RPTOR: variants seen among roughly 807,000 people sequenced by gnomAD.
RPTOR encodes the protein regulatory-associated protein of mTOR.
Under a neutral mutation model 169.9 loss-of-function variants are expected in RPTOR, and 21 were observed. The ratio of observed to expected loss-of-function variants is 0.12; its 90% CI spans 0.09 to 0.18. The LOEUF (loss-of-function observed/expected upper bound fraction) is 0.18. Ranked by LOEUF, RPTOR falls within the 10% of genes least tolerant of loss-of-function variation. The probability of loss-of-function intolerance (pLI) is 1.00; values close to 1 mark genes in which losing one functional copy is unlikely to be tolerated. For missense variants in RPTOR, 1,133 were observed against 1,855.9 expected, an observed-to-expected ratio of 0.61 and a Z score of 7.16; for synonymous variants, 732 against 753.2, an observed-to-expected ratio of 0.97 and a Z score of 0.46.
At position 80,621,928 on chromosome 17, in the gene RPTOR, G is replaced by A. The variant is rs546620301; in HGVS notation, c.163-3763G>A. Among the ~76,000 whole-genome samples, 21 of 152,350 alleles carry A rather than the reference G, an allele frequency of 1.4e-4. No individual in the cohort carries two copies. The South Asian group carries it at 4.1e-3, about 30-fold the overall frequency. On this transcript the variant is annotated intron_variant, in intron 1 of 33. Transcript: ENST00000306801. ...ACTGCCAGACAAGCCCCAGGGCAGCGGCGGTGGCACTTGGCCACGGGAGCA... is the reference window on the plus strand; with the variant it reads ...ACTGCCAGACAAGCCCCAGGGCAGCAGCGGTGGCACTTGGCCACGGGAGCA...
chr17:80,925,970 G>A (rs771128961), intron 24 of RPTOR, among the ~76,000 whole-genome samples: 4 of 152,238 alleles, frequency 2.6e-5, no homozygotes, highest in East Asian at 1.9e-4. Context: ...GCAGGGCGGC[G>A]GCTCTCGGCC....
chr17:80,595,816 G>C (rs1599586652), intron 1 of RPTOR, among the ~76,000 whole-genome samples: 2 of 152,068 alleles, frequency 1.3e-5, no homozygotes, highest in Admixed American at 6.6e-5. Context: ...GTGTGGCTTT[G>C]GTTTTGATAT....
At chr17:80,908,552 A>G (rs565951782) in intron 20 of RPTOR, among the ~76,000 whole-genome samples, 51 of 152,322 alleles carry the variant, frequency 3.3e-4, no homozygotes, top group African/African-American at 1.2e-3. Context: ...AAGGAAAGTT[A>G]CACCCTTTCC....
At chr17:80,572,351 T>C (rs1332876802) in intron 1 of RPTOR, among the ~76,000 whole-genome samples, 1 of 152,138 alleles carries the variant, frequency 6.6e-6, no homozygotes, top group Non-Finnish European at 1.5e-5. Flanking sequence ...AGCATTCTTA[T>C]ATATTCTGGT....
chr17:80,732,220 C>T (rs1302651946), intron 5 of RPTOR, among the ~76,000 whole-genome samples: 1 of 151,050 alleles, frequency 6.6e-6, no homozygotes, highest in Non-Finnish European at 1.5e-5. Context: ...CCAAAGAATC[C>T]TGCCTGAGTT....
At chr17:80,785,310 C>G (rs1449990742) in intron 6 of RPTOR, among the ~76,000 whole-genome samples, 1 of 152,102 alleles carries the variant, frequency 6.6e-6, no homozygotes, top group Non-Finnish European at 1.5e-5. Flanking sequence ...GAGTCAAAGT[C>G]AGATAAAATA....
intron 11 of RPTOR, among the ~76,000 whole-genome samples, chr17:80,847,381 C>T (rs1392560199): frequency 6.6e-6 from 1 of 152,234 alleles, no homozygotes; most frequent in Admixed American, 6.5e-5. Flanking sequence ...TAGAAAGATT[C>T]CACAGAACTT....
chr17:80,556,381 C>CCA, intron 1 of RPTOR, among the ~76,000 whole-genome samples: 1 of 152,050 alleles, frequency 6.6e-6, no homozygotes, highest in East Asian at 1.9e-4. Flanking sequence ...CATGGTGGTG[C>CCA]GCACCTGTGG....
chr17:80,612,822 C>T (rs576672830), intron 1 of RPTOR, among the ~76,000 whole-genome samples: 1 of 152,264 alleles, frequency 6.6e-6, no homozygotes, highest in Non-Finnish European at 1.5e-5. Flanking sequence ...GAACCGTGAT[C>T]ACGCCACTGC....
chr17:80,567,041 G>T (rs1344486366), intron 1 of RPTOR, among the ~76,000 whole-genome samples: 5 of 151,600 alleles, frequency 3.3e-5, no homozygotes, highest in Non-Finnish European at 7.4e-5. Flanking sequence ...CATGATCTCG[G>T]CTCACTGCAA....
At chr17:80,876,776 G>A (rs1451666702) in intron 13 of RPTOR, among the ~76,000 whole-genome samples, 4 of 124,652 alleles carry the variant, frequency 3.2e-5, no homozygotes, top group Admixed American at 3.1e-4. Context: ...GTCGCCTGCC[G>A]GGTCTTCCAC....
chr17:80,837,719 C>G lies in RPTOR; in HGVS notation c.1137-203C>G, dbSNP rs139786788. Among the ~76,000 whole-genome samples the G allele has an allele frequency of 4.0e-3, 614 of 152,334 alleles. 9 individuals are homozygous for G. Among genetic ancestry groups the G allele is most frequent in the East Asian group, 0.01 (53 of 5,178 alleles). ...AGCGCCAGCGTTCCCGGCCTGCACTCTCTCCTGGCCTCCCCTCGGACGTCT... is the reference window on the plus strand; with the variant it reads ...AGCGCCAGCGTTCCCGGCCTGCACTGTCTCCTGGCCTCCCCTCGGACGTCT... On this transcript the variant is annotated intron_variant, in intron 9 of 33. Coordinates refer to ENST00000306801, the MANE Select transcript of RPTOR (RefSeq NM_020761.3).
Position 80,965,490 on chromosome 17 carries a change from T to C in RPTOR, c.*1160T>C, listed in dbSNP as rs539848531. On this transcript the variant is annotated 3_prime_UTR_variant, in exon 34 of 34. Coordinates refer to ENST00000306801, the MANE Select transcript of RPTOR (RefSeq NM_020761.3). ...GGGCCGCAGGGCGTGTATGAGCAGT[T>C]TTGCAAACAGAACACAACCACAATG... is the stretch of plus-strand genomic sequence containing the variant. 8.6e-6 allele frequency: 2 copies of C among 233,352 alleles called. No individual in the cohort carries two copies. Among genetic ancestry groups the C allele is most frequent in the South Asian group, 3.6e-4 (2 of 5,530 alleles). The allele number at this position is 233,352 out of a possible 1,614,324, so 14.5% of individuals were successfully genotyped here.
intron 4 of RPTOR, among the ~76,000 whole-genome samples, chr17:80,712,274 G>T (rs2066201022): frequency 6.6e-6 from 1 of 152,158 alleles, no homozygotes; most frequent in South Asian, 2.1e-4. Context: ...ACATGCTGCA[G>T]ATTTTGCTGA....
rs938532716 is a variant in RPTOR at position 80,545,340 on chromosome 17, G to A, written c.-290G>A. On this transcript the variant is annotated 5_prime_UTR_variant, in exon 1 of 34. Transcript: ENST00000306801. Reference sequence around the variant, plus strand: ...CTCCCCTCGCAGCCCCTCTGGAAACGTACAGCCTCAGGAGCAGCCAGTGGC... The same window carrying A: ...CTCCCCTCGCAGCCCCTCTGGAAACATACAGCCTCAGGAGCAGCCAGTGGC... 6.7e-6 allele frequency: 2 copies of A among 300,734 alleles called. No homozygotes were observed. The highest frequency in any genetic ancestry group is 2.1e-5 in the African/African-American group (1 of 47,010). The allele number at this position is 300,734 out of a possible 1,614,324, so 18.6% of individuals were successfully genotyped here. A position where few individuals can be genotyped will look rare whatever the true frequency, so the allele number is the denominator to read the frequency against.
intron 12 of RPTOR, among the ~76,000 whole-genome samples, chr17:80,857,259 C>G (rs975147442): frequency 1.1e-4 from 17 of 152,386 alleles, no homozygotes; most frequent in Admixed American, 7.2e-4. Flanking sequence ...CCCCGCTCCT[C>G]CCTGCCTTTC....
chr17:80,701,364 T>A, intron 3 of RPTOR, among the ~76,000 whole-genome samples: 1 of 152,192 alleles, frequency 6.6e-6, no homozygotes, highest in East Asian at 1.9e-4. Flanking sequence ...TTGCCATCAC[T>A]CTTTTTGGCT....
intron 33 of RPTOR, 59 bp from the exon 34 acceptor site, chr17:80,964,199 CCCCG>C: frequency 8.5e-7 from 1 of 1,182,182 alleles, no homozygotes; most frequent in Non-Finnish European, 1.2e-6. Context: ...GCCTGCGCCC[CCCCG>C]CCCCCCGCAG....
intron 1 of RPTOR, among the ~76,000 whole-genome samples, chr17:80,557,913 G>A (rs548599852): frequency 7.2e-5 from 11 of 152,172 alleles, no homozygotes; most frequent in East Asian, 1.9e-4. Context: ...GCGACAGAGC[G>A]AGACTCCGTC....
Sources: allele counts gnomAD v4.1 joint callset (sites outside exome capture counted in the v4.1 genomes callset), GRCh38; gene constraint gnomAD v4.1.1; transcripts MANE v1.5; gene names NCBI Gene and HGNC (gene_info 2026-07-23, HGNC 2026-07-21).